Variants in ST6GALNAC3 observed in about 807,000 individuals in gnomAD.
ST6GALNAC3 encodes the protein alpha-N-acetylgalactosaminide alpha-2,6-sialyltransferase 3.
In ST6GALNAC3, 25 loss-of-function variants were observed where a neutral mutation model predicts 32.7. The observed-to-expected ratio is 0.76, with a 90% CI of 0.56 to 1.07. ST6GALNAC3 has a LOEUF of 1.07. Ranked by LOEUF, ST6GALNAC3 falls within the 50% of genes least tolerant of loss-of-function variation. ST6GALNAC3 has a pLI of 0.00. For missense variants in ST6GALNAC3, 355 were observed against 382.4 expected (o/e 0.93, Z 0.60); for synonymous variants, 129 against 133.1 (o/e 0.97, Z 0.21).
intron 3 of ST6GALNAC3, among the ~76,000 whole-genome samples, chr1:76,597,323 G>A (rs1455531166): frequency 1.3e-5 from 2 of 152,042 alleles, no homozygotes; most frequent in Admixed American, 6.6e-5. Context: ...CTGGGTCCTG[G>A]TAATGACAGT....
At position 76,169,028 on chromosome 1, in the gene ST6GALNAC3, A is replaced by C. The variant is rs546873401; in HGVS notation, c.18+94144A>C. 6.6e-5 allele frequency among the ~76,000 whole-genome samples: 10 copies of C among 152,192 alleles called. No individual in the cohort carries two copies. The South Asian group carries it at 2.1e-3, about 32-fold the overall frequency. On this transcript the variant is annotated intron_variant, in intron 1 of 4. Coordinates refer to ENST00000328299, the MANE Select transcript of ST6GALNAC3 (RefSeq NM_152996.4). ...AACTGGTTATTTTGCAGACTTGTTT[A>C]TGTGATTGTTTTATAGTGTGACTGG... is the stretch of plus-strand genomic sequence containing the variant.
At chr1:76,244,737 G>A (rs1182761226) in intron 1 of ST6GALNAC3, among the ~76,000 whole-genome samples, 1 of 152,120 alleles carries the variant, frequency 6.6e-6, no homozygotes, top group African/African-American at 2.4e-5. Flanking sequence ...TTATGTGATG[G>A]AATACGTTTA....
At chr1:76,129,101 G>A (rs992230034) in intron 1 of ST6GALNAC3, among the ~76,000 whole-genome samples, 61 of 152,176 alleles carry the variant, frequency 4.0e-4, no homozygotes, top group East Asian at 2.3e-3. Context: ...CAAATTTTGC[G>A]TGTCCTATAA....
chr1:76,113,072 C>G (rs1648179756), intron 1 of ST6GALNAC3, among the ~76,000 whole-genome samples: 1 of 152,180 alleles, frequency 6.6e-6, no homozygotes, highest in South Asian at 2.1e-4. Flanking sequence ...GAACACAACT[C>G]CGTCTGCCAT....
chr1:76,141,613 T>C (rs1277982267), intron 1 of ST6GALNAC3, among the ~76,000 whole-genome samples: 1 of 152,208 alleles, frequency 6.6e-6, no homozygotes. Context: ...AAAAAAAGCA[T>C]GTACAGATGG....
chr1:76,098,875 A>G (rs755387864), intron 1 of ST6GALNAC3, among the ~76,000 whole-genome samples: 2 of 152,122 alleles, frequency 1.3e-5, no homozygotes, highest in African/African-American at 2.4e-5. Context: ...ATATTTTAGC[A>G]TATTAATGTC....
At chr1:76,416,228 C>T (rs1298039497) in intron 3 of ST6GALNAC3, among the ~76,000 whole-genome samples, 1 of 152,064 alleles carries the variant, frequency 6.6e-6, no homozygotes, top group Non-Finnish European at 1.5e-5. Context: ...CAAAAAAGAA[C>T]ATTTTTCTCC....
chr1:76,315,782 A>G (rs1646853565), intron 2 of ST6GALNAC3, among the ~76,000 whole-genome samples: 1 of 152,138 alleles, frequency 6.6e-6, no homozygotes, highest in Admixed American at 6.6e-5. Context: ...ACATCAGCCT[A>G]GCAAAATTAT....
intron 2 of ST6GALNAC3, among the ~76,000 whole-genome samples, chr1:76,404,744 T>C (rs933488038): frequency 1.4e-4 from 21 of 152,182 alleles, no homozygotes; most frequent in Non-Finnish European, 3.1e-4. Flanking sequence ...GCAAAGATCT[T>C]TTTTGTTTCA....
chr1:76,383,497 G>A (rs1353108256), intron 2 of ST6GALNAC3, among the ~76,000 whole-genome samples: 1 of 132,828 alleles, frequency 7.5e-6, no homozygotes, highest in African/African-American at 2.9e-5. Context: ...GGCTGGTCTT[G>A]ACAGGCTCAA....
intron 1 of ST6GALNAC3, among the ~76,000 whole-genome samples, chr1:76,097,076 G>A (rs967020079): frequency 8.6e-5 from 13 of 152,044 alleles, no homozygotes; most frequent in African/African-American, 2.4e-4. Flanking sequence ...GTGCCACCAC[G>A]CCCGGCTAAT....
At chr1:76,445,877 T>C (rs1049686779) in intron 3 of ST6GALNAC3, among the ~76,000 whole-genome samples, 3 of 152,236 alleles carry the variant, frequency 2.0e-5, no homozygotes, top group Non-Finnish European at 2.9e-5. Context: ...GTCCTTTAGC[T>C]GATACTATTT....
chr1:76,270,607 A>G (rs1026115101), intron 1 of ST6GALNAC3, among the ~76,000 whole-genome samples: 4 of 151,252 alleles, frequency 2.6e-5, no homozygotes, highest in Non-Finnish European at 4.4e-5. Context: ...TTTGGTTGCT[A>G]CCCAGTTATA....
At chr1:76,337,129 ACT>A (rs149646598) in intron 2 of ST6GALNAC3, among the ~76,000 whole-genome samples, 486 of 151,960 alleles carry the variant, frequency 3.2e-3, no homozygotes, top group African/African-American at 0.011. Flanking sequence ...TGATCTCCAG[ACT>A]CTCTCATTTC....
chr1:76,514,550 A>G (rs1381831493), intron 3 of ST6GALNAC3, among the ~76,000 whole-genome samples: 1 of 152,122 alleles, frequency 6.6e-6, no homozygotes, highest in East Asian at 1.9e-4. Flanking sequence ...TGGTTCTTGC[A>G]GAAATGGATA....
intron 2 of ST6GALNAC3, among the ~76,000 whole-genome samples, chr1:76,366,077 G>T (rs888476032): frequency 6.6e-6 from 1 of 152,046 alleles, no homozygotes; most frequent in East Asian, 1.9e-4. Context: ...TTTTTTTAAA[G>T]ACTGAGTTCT....
At chr1:76,585,183 G>A (rs1221860892) in intron 3 of ST6GALNAC3, among the ~76,000 whole-genome samples, 5 of 152,094 alleles carry the variant, frequency 3.3e-5, no homozygotes, top group Admixed American at 6.5e-5. Flanking sequence ...TCAGGAGTTC[G>A]AGACCATCCT....
downstream of ST6GALNAC3, among the ~76,000 whole-genome samples, chr1:76,635,584 G>A (rs186069419): frequency 5.3e-5 from 8 of 152,196 alleles, no homozygotes; most frequent in Admixed American, 3.3e-4. Flanking sequence ...TACCTATCTG[G>A]GGAAGGCTAA....
At chr1:76,418,583 G>T (rs576044647) in intron 3 of ST6GALNAC3, among the ~76,000 whole-genome samples, 1 of 152,164 alleles carries the variant, frequency 6.6e-6, no homozygotes, top group East Asian at 1.9e-4. Flanking sequence ...ATAGGCAAAA[G>T]ACAGTATTAA....
Sources: gnomAD v4.1 joint callset for allele counts (sites outside exome capture counted in the v4.1 genomes callset) on GRCh38, gnomAD v4.1.1 for gene constraint, MANE v1.5 for transcripts, NCBI Gene and HGNC (gene_info 2026-07-23, HGNC 2026-07-21) for gene names.